TMEM74: variants seen among roughly 807,000 people sequenced by gnomAD.
TMEM74 encodes the protein transmembrane protein 74.
A neutral mutation model predicts 18.1 loss-of-function variants in TMEM74; 13 were observed. The ratio of observed to expected loss-of-function variants is 0.72; its 90% CI spans 0.47 to 1.14. The LOEUF (loss-of-function observed/expected upper bound fraction) is 1.14. Among genes scored for constraint, TMEM74 ranks in the 50% most tolerant of loss-of-function variants. TMEM74 has a pLI of 0.00. For missense variants in TMEM74, 372 were observed against 375.9 expected (o/e 0.99, Z 0.09); for synonymous variants, 159 against 146.6 (o/e 1.08, Z -0.61).
At chr8:108,699,183 T>A (rs56133638) in intron 1 of TMEM74, among the ~76,000 whole-genome samples, 3 of 70,472 alleles carry the variant, frequency 4.3e-5, no homozygotes, top group Non-Finnish European at 7.6e-5. Context: ...CTTCCTTCCT[T>A]CCTCCCTCCC....
At chr8:108,766,264 T>C (rs888520304) in intron 1 of TMEM74, among the ~76,000 whole-genome samples, 3 of 152,118 alleles carry the variant, frequency 2.0e-5, no homozygotes, top group Non-Finnish European at 4.4e-5. Flanking sequence ...TCTTTTTAAC[T>C]AATCAAAAGA....
chr8:108,616,101 T>C (rs1812380882), intron 2 of TMEM74, among the ~76,000 whole-genome samples: 1 of 152,070 alleles, frequency 6.6e-6, no homozygotes, highest in Non-Finnish European at 1.5e-5. Context: ...GGAGCTTCTT[T>C]TGAAAGTAGA....
intron 1 of TMEM74, among the ~76,000 whole-genome samples, chr8:108,731,757 C>A (rs1037088514): frequency 6.6e-6 from 1 of 152,204 alleles, no homozygotes; most frequent in South Asian, 2.1e-4. Context: ...TTAGCCATAC[C>A]ATGTCTTAAT....
chr8:108,635,676 T>C (rs1812600199), intron 2 of TMEM74, among the ~76,000 whole-genome samples: 1 of 152,108 alleles, frequency 6.6e-6, no homozygotes, highest in Non-Finnish European at 1.5e-5. Flanking sequence ...TGACATCTAT[T>C]CATTAAAACC....
At chr8:108,726,722 G>A (rs947259708) in intron 1 of TMEM74, among the ~76,000 whole-genome samples, 5 of 152,008 alleles carry the variant, frequency 3.3e-5, no homozygotes, top group African/African-American at 4.8e-5. Context: ...AGCTCTGTCC[G>A]AGGTACTGAT....
intron 2 of TMEM74, among the ~76,000 whole-genome samples, chr8:108,631,439 A>G (rs562830585): frequency 7.2e-5 from 11 of 152,158 alleles, no homozygotes; most frequent in African/African-American, 2.4e-4. Flanking sequence ...GCATGGTTAG[A>G]ATAACTCTCC....
intron 1 of TMEM74, among the ~76,000 whole-genome samples, chr8:108,695,182 C>G (rs990357878): frequency 1.3e-5 from 2 of 152,096 alleles, no homozygotes; most frequent in East Asian, 3.9e-4. Flanking sequence ...CTTCTCAGTA[C>G]CAGAAGTAGA....
intron 1 of TMEM74, among the ~76,000 whole-genome samples, chr8:108,738,968 G>A (rs1813773551): frequency 6.6e-6 from 1 of 151,986 alleles, no homozygotes; most frequent in Non-Finnish European, 1.5e-5. Flanking sequence ...AGTCACATAG[G>A]GCATTTCCAT....
At chr8:108,676,178 C>G (rs374631560) in intron 1 of TMEM74, among the ~76,000 whole-genome samples, 1 of 152,118 alleles carries the variant, frequency 6.6e-6, no homozygotes, top group Admixed American at 6.5e-5. Context: ...TCAGTAAACT[C>G]AGAACATATG....
chr8:108,750,856 C>T (rs1009471552), intron 1 of TMEM74, among the ~76,000 whole-genome samples: 1 of 152,106 alleles, frequency 6.6e-6, no homozygotes, highest in Non-Finnish European at 1.5e-5. Context: ...CTGCACTTGA[C>T]CTTGGTGCCT....
At chr8:108,773,573 A>G (rs1216682625) in intron 1 of TMEM74, among the ~76,000 whole-genome samples, 2 of 152,156 alleles carry the variant, frequency 1.3e-5, no homozygotes, top group African/African-American at 4.8e-5. Flanking sequence ...TTTAATGTAT[A>G]GGATGAGGTG....
intron 2 of TMEM74, among the ~76,000 whole-genome samples, chr8:108,652,060 T>A (rs1283172977): frequency 6.6e-6 from 1 of 152,148 alleles, no homozygotes; most frequent in Non-Finnish European, 1.5e-5. Context: ...TATGAACAGT[T>A]GTTTTTGTTA....
intron 1 of TMEM74, among the ~76,000 whole-genome samples, chr8:108,670,774 G>GC (rs1443992069): frequency 6.6e-6 from 1 of 152,004 alleles, no homozygotes; most frequent in Non-Finnish European, 1.5e-5. Context: ...GTAATATTAG[G>GC]ACCCAGCAAT....
chr8:108,767,736 T>A (rs1332644339), intron 1 of TMEM74, among the ~76,000 whole-genome samples: 1 of 152,156 alleles, frequency 6.6e-6, no homozygotes, highest in East Asian at 1.9e-4. Context: ...ATTTCAGGGA[T>A]CTAGTTACTT....
At chr8:108,612,901 A>G (rs920714280) in intron 2 of TMEM74, among the ~76,000 whole-genome samples, 3 of 152,212 alleles carry the variant, frequency 2.0e-5, no homozygotes, top group Admixed American at 6.5e-5. Flanking sequence ...TTGGCATTAA[A>G]ATAATAAAAA....
chr8:108,651,329 G>A (rs2130571495), intron 2 of TMEM74, among the ~76,000 whole-genome samples: 1 of 152,186 alleles, frequency 6.6e-6, no homozygotes, highest in East Asian at 1.9e-4. Flanking sequence ...GCCCTCTTTA[G>A]GAACTGATTC....
intron 1 of TMEM74, among the ~76,000 whole-genome samples, chr8:108,769,606 T>G (rs1814149117): frequency 6.6e-6 from 1 of 152,044 alleles, no homozygotes; most frequent in African/African-American, 2.4e-5. Flanking sequence ...TTCTCTTTAT[T>G]TATTATTATT....
chr8:108,722,786 T>C (rs1326332340), intron 1 of TMEM74, among the ~76,000 whole-genome samples: 1 of 152,174 alleles, frequency 6.6e-6, no homozygotes, highest in Non-Finnish European at 1.5e-5. Flanking sequence ...CTGATACTTA[T>C]AGTGTTGTTT....
At chr8:108,766,929 C>A (rs925242868) in intron 1 of TMEM74, among the ~76,000 whole-genome samples, 1 of 152,136 alleles carries the variant, frequency 6.6e-6, no homozygotes, top group Admixed American at 6.6e-5. Context: ...AAGATGAAGG[C>A]CGGAATACTC....
Sources: allele counts gnomAD v4.1 joint callset (sites outside exome capture counted in the v4.1 genomes callset), GRCh38; gene constraint gnomAD v4.1.1; transcripts MANE v1.5; gene names NCBI Gene and HGNC (gene_info 2026-07-23, HGNC 2026-07-21).